The following SLC44A5 variants were observed in gnomAD, a reference collection of about 807,000 sequenced individuals.
SLC44A5 encodes choline transporter-like protein 5.
Under a neutral mutation model 101.8 loss-of-function variants are expected in SLC44A5, and 57 were observed. The ratio of observed to expected loss-of-function variants is 0.56; its 90% CI spans 0.45 to 0.70. The LOEUF is 0.70. SLC44A5 is among the 30% of genes least tolerant of loss of function. The pLI is 0.00. For missense variants in SLC44A5, 737 were observed against 853.1 expected (o/e 0.86, Z 1.70); for synonymous variants, 281 against 290.9 (o/e 0.97, Z 0.35).
At chr1:75,458,429 A>G (rs1455745061) in intron 2 of SLC44A5, among the ~76,000 whole-genome samples, 1 of 152,192 alleles carries the variant, frequency 6.6e-6, no homozygotes, top group Non-Finnish European at 1.5e-5. Flanking sequence ...TCAATTAGGA[A>G]AAAACATACA....
At chr1:75,581,983 C>T (rs539476144) in intron 1 of SLC44A5, 6 of 455,110 alleles carry the variant, frequency 1.3e-5, no homozygotes, top group African/African-American at 1.0e-4. Context: ...AATTACCCAG[C>T]CTCGGGTGTT....
chr1:75,407,260 A>G (rs1479521024), intron 2 of SLC44A5, among the ~76,000 whole-genome samples: 1 of 152,216 alleles, frequency 6.6e-6, no homozygotes, highest in Non-Finnish European at 1.5e-5. Context: ...GGAAGAATCA[A>G]TATCATGAAA....
At chr1:75,719,845 A>G in the SLC44A5 span, among the ~76,000 whole-genome samples, 1 of 152,184 alleles carries the variant, frequency 6.6e-6, no homozygotes, top group South Asian at 2.1e-4. Flanking sequence ...TATGTTGGCA[A>G]TGAGAAACCA....
intron 1 of SLC44A5, among the ~76,000 whole-genome samples, chr1:75,596,315 C>A (rs1464602092): frequency 6.0e-5 from 9 of 151,190 alleles, no homozygotes; most frequent in African/African-American, 2.2e-4. Flanking sequence ...GCCTACCAAC[C>A]AAAAAAAAGT....
chr1:75,697,613 T>C, the SLC44A5 span, among the ~76,000 whole-genome samples: 1 of 152,278 alleles, frequency 6.6e-6, no homozygotes, highest in Non-Finnish European at 1.5e-5. Context: ...ACGGCGAAAC[T>C]GTCTCTACAA....
the SLC44A5 span, among the ~76,000 whole-genome samples, chr1:75,680,600 G>A: frequency 9.3e-5 from 14 of 150,960 alleles, no homozygotes; most frequent in Middle Eastern, 3.4e-3. Flanking sequence ...TCTCTGGGAC[G>A]CATTCAAAGC....
chr1:75,602,051 A>G (rs1675011796), intron 1 of SLC44A5, among the ~76,000 whole-genome samples: 1 of 152,200 alleles, frequency 6.6e-6, no homozygotes, highest in Non-Finnish European at 1.5e-5. Context: ...GACTTCCTCA[A>G]AGATTTGCTT....
At chr1:75,236,881 A>G (rs1281640752) in intron 11 of SLC44A5, 106 bp downstream of exon 11, 1 of 594,016 alleles carries the variant, frequency 1.7e-6, no homozygotes, top group Admixed American at 2.7e-5. Context: ...TGCCACCAGT[A>G]CATTTCTTTT....
intron 3 of SLC44A5, among the ~76,000 whole-genome samples, chr1:75,392,535 A>G (rs552255858): frequency 3.9e-5 from 6 of 152,250 alleles, no homozygotes; most frequent in Non-Finnish European, 8.8e-5. Context: ...AGAAAAAGGA[A>G]CTCTTTATGC....
At chr1:75,685,217 A>T in the SLC44A5 span, among the ~76,000 whole-genome samples, 7 of 150,636 alleles carry the variant, frequency 4.6e-5, no homozygotes, top group African/African-American at 1.5e-4. Context: ...CCACAAAACC[A>T]TTTTTTTTTC....
chr1:75,618,044 G>A, the SLC44A5 span, among the ~76,000 whole-genome samples: 1 of 152,194 alleles, frequency 6.6e-6, no homozygotes, highest in African/African-American at 2.4e-5. Flanking sequence ...CAGCTTCGGT[G>A]TAACTCTTTT....
chr1:75,619,237 G>A, the SLC44A5 span, among the ~76,000 whole-genome samples: 1 of 151,358 alleles, frequency 6.6e-6, no homozygotes, highest in African/African-American at 2.4e-5. Flanking sequence ...AGGAGGGAGG[G>A]AGGGAGGAAG....
intron 5 of SLC44A5, among the ~76,000 whole-genome samples, chr1:75,297,806 G>T (rs671919): frequency 0.8 from 121,291 of 152,116 alleles, 48,640 homozygotes; most frequent in East Asian, 0.92. Flanking sequence ...CTACCCAGAC[G>T]CCACTTCATC....
the SLC44A5 span, among the ~76,000 whole-genome samples, chr1:75,699,046 C>T: frequency 7.9e-5 from 12 of 152,186 alleles, no homozygotes; most frequent in South Asian, 6.2e-4. Flanking sequence ...CTGAAAGTGA[C>T]GGGGAGAATG....
At chr1:75,525,955 A>C (rs140934625) in intron 2 of SLC44A5, among the ~76,000 whole-genome samples, 1 of 152,204 alleles carries the variant, frequency 6.6e-6, no homozygotes, top group Non-Finnish European at 1.5e-5. Flanking sequence ...TATTTAGAAA[A>C]TGTTTAAAGT....
At chr1:75,340,902 A>G (rs543532618) in intron 3 of SLC44A5, among the ~76,000 whole-genome samples, 2 of 152,364 alleles carry the variant, frequency 1.3e-5, no homozygotes, top group African/African-American at 2.4e-5. Flanking sequence ...AACAGAGACA[A>G]TGGTCCTAAT....
intron 6 of SLC44A5, among the ~76,000 whole-genome samples, chr1:75,266,426 G>T (rs2100712801): frequency 6.6e-6 from 1 of 152,014 alleles, no homozygotes; most frequent in East Asian, 1.9e-4. Flanking sequence ...TTAGGCCTGG[G>T]TTAAACAAGT....
intron 1 of SLC44A5, among the ~76,000 whole-genome samples, chr1:75,563,341 T>C (rs891361125): frequency 8.6e-5 from 13 of 151,374 alleles, no homozygotes; most frequent in Non-Finnish European, 1.0e-4. Context: ...TAAGGGTAGA[T>C]ATTTTTTTTT....
At chr1:75,249,213 C>CA (rs1353219722) in intron 7 of SLC44A5, among the ~76,000 whole-genome samples, 3 of 151,560 alleles carry the variant, frequency 2.0e-5, no homozygotes, top group Admixed American at 6.6e-5. Context: ...GATGAGGAAG[C>CA]AAAAAAATAA....
Sources: allele counts gnomAD v4.1 joint callset (sites outside exome capture counted in the v4.1 genomes callset), GRCh38; gene constraint gnomAD v4.1.1; transcripts MANE v1.5; gene names NCBI Gene and HGNC (gene_info 2026-07-23, HGNC 2026-07-21).